The following SPMIP2 variants were observed in gnomAD, a reference collection of about 807,000 sequenced individuals.
SPMIP2 encodes the protein protein SPMIP2.
At chr4:159,061,404 T>G in the SPMIP2 span, among the ~76,000 whole-genome samples, 4 of 151,982 alleles carry the variant, frequency 2.6e-5, no homozygotes, top group Non-Finnish European at 4.4e-5. Flanking sequence ...CTGTTGGCCC[T>G]TCACTGTATC....
chr4:158,978,745 T>A, the SPMIP2 span, among the ~76,000 whole-genome samples: 72 of 150,496 alleles, frequency 4.8e-4, no homozygotes, highest in Non-Finnish European at 8.1e-4. Flanking sequence ...CAAACCCTGC[T>A]TTTTTTTTGC....
the SPMIP2 span, among the ~76,000 whole-genome samples, chr4:159,071,949 C>T: frequency 7.2e-5 from 11 of 152,348 alleles, no homozygotes; most frequent in Non-Finnish European, 1.5e-4. Context: ...CCATTTTTAG[C>T]ATTGTTTCCA....
chr4:158,967,540 A>G, the SPMIP2 span, among the ~76,000 whole-genome samples: 2 of 152,244 alleles, frequency 1.3e-5, no homozygotes, highest in African/African-American at 4.8e-5. Flanking sequence ...CTAATTTTAG[A>G]AAAGCTATTT....
the SPMIP2 span, among the ~76,000 whole-genome samples, chr4:158,943,756 CAG>C: frequency 6.6e-6 from 1 of 151,794 alleles, no homozygotes; most frequent in African/African-American, 2.4e-5. Flanking sequence ...GACCCCAGAA[CAG>C]TGCTCCACGC....
chr4:159,039,030 G>A, the SPMIP2 span, among the ~76,000 whole-genome samples: 1 of 152,058 alleles, frequency 6.6e-6, no homozygotes, highest in African/African-American at 2.4e-5. Flanking sequence ...CCAGGCTGGA[G>A]TGCAGGGGCT....
the SPMIP2 span, among the ~76,000 whole-genome samples, chr4:158,963,315 T>C: frequency 1.3e-5 from 2 of 152,166 alleles, no homozygotes; most frequent in Non-Finnish European, 2.9e-5. Context: ...GTTTTGTTTG[T>C]TTTTGAGACA....
At chr4:159,037,666 G>A in the SPMIP2 span, among the ~76,000 whole-genome samples, 1 of 151,722 alleles carries the variant, frequency 6.6e-6, no homozygotes, top group Non-Finnish European at 1.5e-5. Flanking sequence ...AGCTACTCGG[G>A]AGGCTTAGGT....
the SPMIP2 span, among the ~76,000 whole-genome samples, chr4:158,927,073 T>C: frequency 6.6e-6 from 1 of 152,266 alleles, no homozygotes; most frequent in Non-Finnish European, 1.5e-5. Context: ...GTCTATTTCC[T>C]CCTTTAGTTC....
chr4:158,924,690 T>G, the SPMIP2 span, among the ~76,000 whole-genome samples: 3 of 152,076 alleles, frequency 2.0e-5, no homozygotes, highest in African/African-American at 7.2e-5. Flanking sequence ...CCTATTTGTT[T>G]TTTCAAACAG....
the SPMIP2 span, chr4:158,973,046 A>C: frequency 2.3e-6 from 3 of 1,318,490 alleles, no homozygotes; most frequent in Non-Finnish European, 3.2e-6. Flanking sequence ...AGAAAACAGT[A>C]TACTATGAAA....
the SPMIP2 span, among the ~76,000 whole-genome samples, chr4:159,051,992 A>C: frequency 6.6e-6 from 1 of 151,782 alleles, no homozygotes; most frequent in Non-Finnish European, 1.5e-5. Context: ...ACCTACTATC[A>C]AGCTCACTGG....
At chr4:159,074,456 C>G in the SPMIP2 span, among the ~76,000 whole-genome samples, 5 of 152,008 alleles carry the variant, frequency 3.3e-5, no homozygotes, top group Non-Finnish European at 2.9e-5. Flanking sequence ...GAGGTATGGC[C>G]ACAGAGAGCC....
the SPMIP2 span, among the ~76,000 whole-genome samples, chr4:159,056,916 C>T: frequency 6.6e-6 from 1 of 152,130 alleles, no homozygotes; most frequent in Non-Finnish European, 1.5e-5. Context: ...ATCTTCTAAA[C>T]AGCTTTGTAA....
At chr4:158,993,423 GAGAAAGGGAAAA>G in the SPMIP2 span, among the ~76,000 whole-genome samples, 143 of 151,744 alleles carry the variant, frequency 9.4e-4, 1 homozygote, top group Admixed American at 1.8e-3. Context: ...TGTGTTAATA[GAGAAAGGGAAAA>G]TTCCATCCCT....
the SPMIP2 span, chr4:158,960,215 A>C: frequency 1.1e-6 from 1 of 948,764 alleles, no homozygotes; most frequent in Non-Finnish European, 1.6e-6. Flanking sequence ...AAAAGTTTAC[A>C]AAAATGAATC....
At chr4:158,968,766 A>T in the SPMIP2 span, among the ~76,000 whole-genome samples, 1 of 152,240 alleles carries the variant, frequency 6.6e-6, no homozygotes, top group African/African-American at 2.4e-5. Flanking sequence ...CTCTAAATAA[A>T]TTCATAGTGA....
At chr4:158,980,483 C>T in the SPMIP2 span, among the ~76,000 whole-genome samples, 2 of 152,238 alleles carry the variant, frequency 1.3e-5, no homozygotes, top group African/African-American at 4.8e-5. Context: ...GGGTGCCCCT[C>T]TGGGACAAAG....
chr4:158,911,979 A>G, the SPMIP2 span, among the ~76,000 whole-genome samples: 2 of 152,194 alleles, frequency 1.3e-5, no homozygotes, highest in African/African-American at 4.8e-5. Flanking sequence ...TGAAGGAAAA[A>G]AACTACCAGA....
At chr4:158,941,874 A>T in the SPMIP2 span, among the ~76,000 whole-genome samples, 1 of 152,128 alleles carries the variant, frequency 6.6e-6, no homozygotes, top group East Asian at 1.9e-4. Flanking sequence ...TGTTGCTGTC[A>T]TTACCATATG....
Sources: gnomAD v4.1 joint callset for allele counts (sites outside exome capture counted in the v4.1 genomes callset) on GRCh38, gnomAD v4.1.1 for gene constraint, MANE v1.5 for transcripts, NCBI Gene and HGNC (gene_info 2026-07-23, HGNC 2026-07-21) for gene names.